The following TVP23C variants were observed in gnomAD, a reference collection of about 807,000 sequenced individuals.
TVP23C encodes Golgi apparatus membrane protein TVP23 homolog C.
TVP23C carries 19 observed loss-of-function variants against 28.7 expected under a neutral mutation model. The observed-to-expected ratio is 0.66, with a 90% CI of 0.46 to 0.97. The LOEUF is 0.97. Among genes scored for constraint, TVP23C ranks in the 50% least tolerant of loss-of-function variants. The pLI, the probability that TVP23C is intolerant of heterozygous loss-of-function variation, is 0.00. For synonymous variants in TVP23C, 68 were observed against 81.7 expected (o/e 0.83, Z 0.90); for missense variants, 186 against 241.3 (o/e 0.77, Z 1.52).
intron 3 of TVP23C, 65 bp downstream of exon 3, chr17:15,553,620 T>C (rs1983993178): frequency 6.5e-7 from 1 of 1,541,084 alleles, no homozygotes; most frequent in East Asian, 2.5e-5. Context: ...TGCAAAATGC[T>C]GTCATATTTT....
Position 15,537,452 on chromosome 17 carries a change from T to C in TVP23C, c.*2960A>G, listed in dbSNP as rs1227073205. The C allele has an allele frequency of 2.0e-6, 2 of 985,184 alleles. No homozygotes were observed. The highest frequency in any genetic ancestry group is 4.7e-5 in the South Asian group (1 of 21,282). 61.0% of individuals were successfully genotyped at this position (985,184 alleles called of 1,614,324 possible). A position where few individuals can be genotyped will look rare whatever the true frequency, so the allele number is the denominator to read the frequency against. ...TATCCTTTCTGTAAAATAAATAGAA[T>C]AGCAGCAATCTCTGGGTATTCCTTA... On this transcript the variant is annotated 3_prime_UTR_variant, in exon 6 of 6. Transcript: ENST00000518321.
At chr17:15,530,349 A>ACC (rs1804813859) in intron 5 of TVP23C, among the ~76,000 whole-genome samples, 2 of 152,058 alleles carry the variant, frequency 1.3e-5, no homozygotes, top group African/African-American at 2.4e-5. Flanking sequence ...ACTATGATTA[A>ACC]TATCTTAACA....
At chr17:15,518,847 C>G (rs1268519754) in intron 5 of TVP23C, among the ~76,000 whole-genome samples, 1 of 152,144 alleles carries the variant, frequency 6.6e-6, no homozygotes, top group Non-Finnish European at 1.5e-5. Flanking sequence ...GCTCTGTGAC[C>G]TCACTCAAAT....
At chr17:15,502,712 TCTCTCTCCTCTCTCTCTCTTTCTCTCTC>T in exon 6 of TVP23C, 1 of 1,225,600 alleles carries the variant, frequency 8.2e-7, no homozygotes. Context: ...TCGTTCTTTC[TCTCTCTCCTCTCTCTCTCTTTCTCTCTC>T]CTCTCTCCCG....
At chr17:15,510,305 A>C (rs181855168) in intron 5 of TVP23C, among the ~76,000 whole-genome samples, 4 of 152,346 alleles carry the variant, frequency 2.6e-5, no homozygotes, top group Admixed American at 1.3e-4. Flanking sequence ...ATAAGCAAAC[A>C]ACCACATAAA....
chr17:15,515,730 C>T (rs1367722607), intron 5 of TVP23C, among the ~76,000 whole-genome samples: 1 of 152,086 alleles, frequency 6.6e-6, no homozygotes, highest in Non-Finnish European at 1.5e-5. Context: ...CTTCCCTTGC[C>T]CTAGGGTCTC....
intron 5 of TVP23C, among the ~76,000 whole-genome samples, chr17:15,522,172 A>G (rs2150836164): frequency 6.6e-6 from 1 of 152,350 alleles, no homozygotes; most frequent in Non-Finnish European, 1.5e-5. Context: ...AAAAAAATCA[A>G]TTTGAGGAGG....
In TVP23C at chr17:15,539,012, C is replaced by G; in HGVS notation, c.*1400G>C. On this transcript the variant is annotated 3_prime_UTR_variant, in exon 6 of 6. Transcript: ENST00000518321. The stretch of plus-strand genomic sequence containing the variant: ...GAGTACAGAGGGCTGGGTTTAAGAT[C>G]TAGCTTTGTACCACTATTAGCTGTA... The G allele has an allele frequency of 1.0e-6, 1 of 985,438 alleles. No homozygotes were observed. Among genetic ancestry groups the G allele is most frequent in the African/African-American group, 1.7e-5 (1 of 57,302 alleles). The allele number at this position is 985,438 out of a possible 1,614,324, so 61.0% of individuals were successfully genotyped here. A position where few individuals can be genotyped will look rare whatever the true frequency, so the allele number is the denominator to read the frequency against.
At chr17:15,524,063 GGTGTGTGTGTGTGTGTGT>G (rs10578424) in intron 5 of TVP23C, among the ~76,000 whole-genome samples, 11 of 136,262 alleles carry the variant, frequency 8.1e-5, no homozygotes, top group Admixed American at 2.2e-4. Context: ...AGCAGAGTGG[GGTGTGTGTGTGTGTGTGT>G]GTGTGTGTGT....
chr17:15,539,098 A>G lies in TVP23C; in HGVS notation c.*1314T>C. 1.0e-6 allele frequency: 1 copy of G among 977,958 alleles called. No homozygotes were observed. Among genetic ancestry groups the G allele is most frequent in the Non-Finnish European group, 1.2e-6 (1 of 823,258 alleles). The allele number at this position is 977,958 out of a possible 1,614,324, so 60.6% of individuals were successfully genotyped here. ...TAGTTATCTAAAATGTAATCCCTGG[A>G]CCAGTGCCCTCAGTACCACCCAGAA... On this transcript the variant is annotated 3_prime_UTR_variant, in exon 6 of 6. Transcript: ENST00000518321.
intron 4 of TVP23C, among the ~76,000 whole-genome samples, chr17:15,546,244 C>A (rs891598406): frequency 1.3e-5 from 2 of 151,916 alleles, no homozygotes; most frequent in Admixed American, 6.6e-5. Flanking sequence ...ACCTTTCTGA[C>A]CAATGATCAA....
At position 15,520,502 on chromosome 17, in the gene TVP23C, G is replaced by C. The variant is rs189623996; in HGVS notation, c.463-17270C>G. Among the ~76,000 whole-genome samples the C allele has an allele frequency of 9.1e-3, 1,240 of 136,838 alleles. 24 individuals are homozygous for C. Among genetic ancestry groups the C allele is most frequent in the African/African-American group, 0.034 (1,177 of 34,728 alleles). 89.8% of individuals were successfully genotyped at this position (136,838 alleles called of 152,430 possible). A position where few individuals can be genotyped will look rare whatever the true frequency, so the allele number is the denominator to read the frequency against. ...AGGTAGAAAGCCAAGGCAATTATAG[G>C]GTTCTTTTCACTTATGTCCATTTTC... On this transcript the variant is annotated intron_variant, in intron 5 of 5. Transcript: ENST00000225576.
At chr17:15,518,786 T>C (rs1209395976) in intron 5 of TVP23C, among the ~76,000 whole-genome samples, 1 of 152,204 alleles carries the variant, frequency 6.6e-6, no homozygotes, top group Admixed American at 6.5e-5. Flanking sequence ...GAACACTAGA[T>C]GAAGGTTTTC....
In TVP23C at chr17:15,538,154, C is replaced by G. The variant is rs745841375; in HGVS notation, c.*2258G>C. ...AGGAAGTCTGATCATCTCCAGTGTT[C>G]CGCAAAAGACAAAAAAAGAACTCCT... is the stretch of plus-strand genomic sequence containing the variant. On this transcript the variant is annotated 3_prime_UTR_variant, in exon 6 of 6. Transcript: ENST00000518321. The G allele has an allele frequency of 6.2e-7, 1 of 1,613,688 alleles. No individual in the cohort carries two copies. Among genetic ancestry groups the G allele is most frequent in the South Asian group, 1.1e-5 (1 of 91,052 alleles).
chr17:15,524,863 C>T (rs1982655446), intron 5 of TVP23C, among the ~76,000 whole-genome samples: 1 of 152,166 alleles, frequency 6.6e-6, no homozygotes, highest in Admixed American at 6.5e-5. Flanking sequence ...CCAGCTGAAA[C>T]CTAAGAACAG....
Position 15,540,210 on chromosome 17 carries a change from A to C in TVP23C, c.*202T>G. 2 of 1,268,394 alleles carry C rather than the reference A, an allele frequency of 1.6e-6. No homozygotes were observed. Among genetic ancestry groups the C allele is most frequent in the Non-Finnish European group, 2.0e-6 (2 of 1,002,900 alleles). 78.6% of individuals were successfully genotyped at this position (1,268,394 alleles called of 1,614,324 possible). ...AATTTTTAAAAAATAAGTTATTATC[A>C]ATGATAGTTTATCCTTCCTGGCTTT... On this transcript the variant is annotated 3_prime_UTR_variant, in exon 6 of 6. Coordinates refer to ENST00000518321, the MANE Select transcript of TVP23C (RefSeq NM_001135036.2).
At chr17:15,536,596 T>C (rs1482050351), downstream of TVP23C, among the ~76,000 whole-genome samples, 3 of 151,972 alleles carry the variant, frequency 2.0e-5, no homozygotes, top group East Asian at 3.9e-4. Context: ...TCATTGTTAC[T>C]TGGTTTAGGA....
intron 3 of TVP23C, among the ~76,000 whole-genome samples, chr17:15,552,279 G>T (rs1244661560): frequency 6.6e-6 from 1 of 152,156 alleles, no homozygotes; most frequent in Non-Finnish European, 1.5e-5. Flanking sequence ...AAAGAAGACT[G>T]GACAAAAGAA....
intron 5 of TVP23C, chr17:15,531,006 G>A (rs1345719993): frequency 1.3e-5 from 2 of 152,244 alleles, no homozygotes; most frequent in African/African-American, 4.8e-5. Context: ...GCCTCCTAAA[G>A]TACTGGGATT....
Sources: allele counts gnomAD v4.1 joint callset (sites outside exome capture counted in the v4.1 genomes callset), GRCh38; gene constraint gnomAD v4.1.1; transcripts MANE v1.5; gene names NCBI Gene and HGNC (gene_info 2026-07-23, HGNC 2026-07-21).